TCERG1L: variants seen among roughly 807,000 people sequenced by gnomAD.
TCERG1L encodes the protein transcription elongation regulator 1 like, also known as transcription elongation regulator 1-like protein.
TCERG1L carries 37 observed loss-of-function variants against 56.3 expected under a neutral mutation model. The ratio of observed to expected loss-of-function variants is 0.66; its 90% confidence interval spans 0.51 to 0.87. The LOEUF (loss-of-function observed/expected upper bound fraction) is 0.87. Among genes scored for constraint, TCERG1L ranks in the 40% least tolerant of loss-of-function variants. The pLI, the probability that TCERG1L is intolerant of heterozygous loss-of-function variation, is 0.00. For missense variants in TCERG1L, 799 were observed against 774.2 expected, an observed-to-expected ratio of 1.03 and a Z score of -0.38; for synonymous variants, 324 against 326.3, an observed-to-expected ratio of 0.99 and a Z score of 0.08.
chr10:131,127,055 A>T (rs1484554421), intron 8 of TCERG1L, among the ~76,000 whole-genome samples: 1 of 152,174 alleles, frequency 6.6e-6, no homozygotes, highest in Non-Finnish European at 1.5e-5. Flanking sequence ...GTAATATTGA[A>T]GGAGACACAG....
At chr10:131,240,344 C>T (rs1051441588) in intron 4 of TCERG1L, among the ~76,000 whole-genome samples, 6 of 152,176 alleles carry the variant, frequency 3.9e-5, no homozygotes, top group African/African-American at 9.7e-5. Flanking sequence ...GACCCTTCCC[C>T]GTTCATTCGT....
chr10:131,245,012 A>G (rs1253235900), intron 4 of TCERG1L, among the ~76,000 whole-genome samples: 1 of 152,180 alleles, frequency 6.6e-6, no homozygotes, highest in African/African-American at 2.4e-5. Flanking sequence ...TGTGCTGGGC[A>G]CAGGGGAGTG....
chr10:131,129,588 G>A (rs1384859358), intron 8 of TCERG1L, among the ~76,000 whole-genome samples: 2 of 152,122 alleles, frequency 1.3e-5, no homozygotes, highest in African/African-American at 4.8e-5. Flanking sequence ...TATATTTGTA[G>A]AGCCTTTTCA....
chr10:131,305,530 C>G (rs771555190), intron 3 of TCERG1L, among the ~76,000 whole-genome samples: 4 of 152,052 alleles, frequency 2.6e-5, no homozygotes, highest in Non-Finnish European at 5.9e-5. Flanking sequence ...ACAAACCTGC[C>G]TTCTGGGTTA....
At chr10:131,160,583 G>T (rs994413863) in intron 6 of TCERG1L, 1 of 152,192 alleles carries the variant, frequency 6.6e-6, no homozygotes, top group South Asian at 2.1e-4. Context: ...CTAAGTCCTC[G>T]TCCTGCATGG....
chr10:131,143,248 C>A (rs545211284), intron 7 of TCERG1L, among the ~76,000 whole-genome samples: 2 of 152,294 alleles, frequency 1.3e-5, no homozygotes, highest in East Asian at 3.9e-4. Context: ...GTGGGGGTTG[C>A]ACGCACCCAG....
chr10:131,099,504 A>C (rs1845284060), intron 10 of TCERG1L, among the ~76,000 whole-genome samples: 1 of 152,230 alleles, frequency 6.6e-6, no homozygotes, highest in Admixed American at 6.5e-5. Context: ...CAGGCCAATA[A>C]ATAGCAACTG....
intron 4 of TCERG1L, among the ~76,000 whole-genome samples, chr10:131,173,558 C>T (rs751789507): frequency 2.0e-5 from 3 of 152,212 alleles, no homozygotes; most frequent in Non-Finnish European, 4.4e-5. Context: ...GGAACCCTGC[C>T]CCTGGGAAGG....
intron 11 of TCERG1L, among the ~76,000 whole-genome samples, chr10:131,094,529 C>T (rs780083990): frequency 2.6e-5 from 4 of 152,184 alleles, no homozygotes; most frequent in Non-Finnish European, 5.9e-5. Context: ...AACAATTCGT[C>T]TCATTCCTTC....
chr10:131,199,785 G>A (rs183824465), intron 4 of TCERG1L, among the ~76,000 whole-genome samples: 1 of 152,296 alleles, frequency 6.6e-6, no homozygotes, highest in Non-Finnish European at 1.5e-5. Flanking sequence ...ACTAAACAGT[G>A]CCCCTCCTGT....
rs1420582169 is a variant in TCERG1L at position 131,112,125 on chromosome 10, A to G, written c.1395+4674T>C. 2.1e-5 allele frequency among the ~76,000 whole-genome samples: 3 copies of G among 143,108 alleles called. 1 individual carries two copies. Among genetic ancestry groups the G allele is most frequent in the Non-Finnish European group, 3.2e-5 (2 of 63,464 alleles). The allele number at this position is 143,108 out of a possible 152,430, so 93.9% of individuals were successfully genotyped here. On this transcript the variant is annotated intron_variant, in intron 9 of 11. Coordinates refer to ENST00000368642, the MANE Select transcript of TCERG1L (RefSeq NM_174937.4). ...TGAGAGTGGGGGAATGGGCCCGGCC[A>G]CACGGCACTCCCAGTGGCCACATGA...
Position 131,260,875 on chromosome 10 carries a change from G to T in TCERG1L, c.671-431C>A, listed in dbSNP as rs1295053158. Reference sequence around the variant, plus strand: ...AAAAAGTGGGGGTGGTTTGGAAGAAGGGGCAGCTGTGGGCCAGGGTGGAGA... The same window carrying T: ...AAAAAGTGGGGGTGGTTTGGAAGAATGGGCAGCTGTGGGCCAGGGTGGAGA... On this transcript the variant is annotated intron_variant, in intron 3 of 11. Coordinates refer to ENST00000368642, the MANE Select transcript of TCERG1L (RefSeq NM_174937.4). This position sits in a 1 kb window ranked among gnomAD's most constrained non-coding sequence, Gnocchi z 5.8. 8.5e-5 allele frequency among the ~76,000 whole-genome samples: 13 copies of T among 152,224 alleles called. No homozygotes were observed. Among genetic ancestry groups the T allele is most frequent in the Admixed American group, 8.5e-4 (13 of 15,288 alleles).
At chr10:131,172,206 G>A (rs559769653) in intron 4 of TCERG1L, among the ~76,000 whole-genome samples, 31 of 152,206 alleles carry the variant, frequency 2.0e-4, no homozygotes, top group Middle Eastern at 3.4e-3. Flanking sequence ...AAGAACATGC[G>A]TCTTCTGGTT....
At chr10:131,114,961 C>T (rs930735398) in intron 9 of TCERG1L, among the ~76,000 whole-genome samples, 7 of 152,232 alleles carry the variant, frequency 4.6e-5, no homozygotes, top group South Asian at 4.1e-4. Context: ...CCACAAGGGC[C>T]GTGCAGTCCG....
chr10:131,197,417 C>G (rs1423435190), intron 4 of TCERG1L, among the ~76,000 whole-genome samples: 1 of 152,096 alleles, frequency 6.6e-6, no homozygotes, highest in African/African-American at 2.4e-5. Flanking sequence ...GATATCCTGA[C>G]CTGGTGATCC....
At chr10:131,129,523 G>T (rs1479748770) in intron 8 of TCERG1L, among the ~76,000 whole-genome samples, 1 of 152,264 alleles carries the variant, frequency 6.6e-6, no homozygotes, top group South Asian at 2.1e-4. Flanking sequence ...ATAATAAAAA[G>T]TTATAAGTAG....
chr10:131,264,603 A>T (rs545994494), intron 3 of TCERG1L, among the ~76,000 whole-genome samples: 1 of 152,266 alleles, frequency 6.6e-6, no homozygotes, highest in East Asian at 1.9e-4. Flanking sequence ...GGCTTGAGGG[A>T]GCAGCAGGGA....
chr10:131,161,575 G>A (rs549205896), intron 6 of TCERG1L: 5 of 152,210 alleles, frequency 3.3e-5, no homozygotes, highest in South Asian at 4.2e-4. Flanking sequence ...ATGACTTCAG[G>A]ACCCCTGAGT....
chr10:131,223,207 T>C (rs77278948), intron 4 of TCERG1L, among the ~76,000 whole-genome samples: 2,925 of 152,302 alleles, frequency 0.019, 96 homozygotes, highest in African/African-American at 0.066. Context: ...GCCGCTGGAC[T>C]GTGCAGCCTT....
Sources: allele counts gnomAD v4.1 joint callset (sites outside exome capture counted in the v4.1 genomes callset), GRCh38; gene constraint gnomAD v4.1.1; non-coding constraint Gnocchi (gnomAD v3.1); transcripts MANE v1.5; gene names NCBI Gene and HGNC (gene_info 2026-07-23, HGNC 2026-07-21).